Variants in TAFA4 observed in about 807,000 individuals in gnomAD.
TAFA4 encodes the protein TAFA chemokine like family member 4, also known as chemokine-like protein TAFA-4.
In TAFA4, 20 loss-of-function variants were observed where a neutral mutation model predicts 21.1. That is an observed-to-expected ratio of 0.95 (90% confidence interval 0.67 to 1.38). The LOEUF is 1.38. TAFA4 is among the 40% of genes most tolerant of loss of function. The pLI, the probability that TAFA4 is intolerant of heterozygous loss-of-function variation, is 0.00. For synonymous variants in TAFA4, 71 were observed against 67.4 expected, an observed-to-expected ratio of 1.05 and a Z score of -0.26; for missense variants, 211 against 180.9, an observed-to-expected ratio of 1.17 and a Z score of -0.95.
intron 3 of TAFA4, among the ~76,000 whole-genome samples, chr3:68,792,035 T>C (rs999538884): frequency 2.0e-5 from 3 of 152,230 alleles, no homozygotes; most frequent in Non-Finnish European, 4.4e-5. Flanking sequence ...TTTCAATATG[T>C]AATGGCCTAC....
chr3:68,922,557 GAT>G (rs1182743209), intron 1 of TAFA4, among the ~76,000 whole-genome samples: 1 of 152,110 alleles, frequency 6.6e-6, no homozygotes, highest in African/African-American at 2.4e-5. Context: ...CTTACATATG[GAT>G]ATAGTCAATT....
intron 3 of TAFA4, among the ~76,000 whole-genome samples, chr3:68,852,283 G>A (rs1324643808): frequency 1.3e-5 from 2 of 152,120 alleles, no homozygotes; most frequent in Non-Finnish European, 2.9e-5. Flanking sequence ...GAATTAATGA[G>A]TTTGGAGGAT....
At chr3:68,891,759 T>C (rs571825143) in intron 1 of TAFA4, among the ~76,000 whole-genome samples, 1 of 152,312 alleles carries the variant, frequency 6.6e-6, no homozygotes, top group African/African-American at 2.4e-5. Flanking sequence ...CACTAAGTGA[T>C]GTCTTTCCAT....
intron 1 of TAFA4, among the ~76,000 whole-genome samples, chr3:68,899,567 C>T (rs2089824618): frequency 1.3e-5 from 2 of 152,154 alleles, no homozygotes; most frequent in African/African-American, 2.4e-5. Context: ...ACAACCAGAA[C>T]TTGAGGCCTA....
chr3:68,766,479 G>C (rs766383369), intron 3 of TAFA4, among the ~76,000 whole-genome samples: 2 of 151,528 alleles, frequency 1.3e-5, no homozygotes, highest in Non-Finnish European at 2.9e-5. Flanking sequence ...CAAATGCTAT[G>C]ATAAAAAAAT....
intron 3 of TAFA4, among the ~76,000 whole-genome samples, chr3:68,768,701 A>G (rs1481480139): frequency 6.6e-6 from 1 of 152,226 alleles, no homozygotes; most frequent in East Asian, 1.9e-4. Context: ...AGTGTCCATC[A>G]GTGGATGAAT....
Position 68,731,888 on chromosome 3 carries a change from T to C in TAFA4, c.*1254A>G, listed in dbSNP as rs2106713977. The stretch of plus-strand genomic sequence containing the variant: ...TGCAAGAATAAAATCAAATAACTGT[T>C]AGGCTATAAACAACATTAAAGTATT... On this transcript the variant is annotated 3_prime_UTR_variant, in exon 6 of 6. Transcript: ENST00000295569. 1 of 98,364 alleles carries C rather than the reference T, an allele frequency of 1.0e-5. No homozygotes were observed. The highest frequency in any genetic ancestry group is 6.2e-4 in the South Asian group (1 of 1,624). 6.1% of individuals were successfully genotyped at this position (98,364 alleles called of 1,614,324 possible). A position where few individuals can be genotyped will look rare whatever the true frequency, so the allele number is the denominator to read the frequency against.
intron 1 of TAFA4, among the ~76,000 whole-genome samples, chr3:68,894,487 A>G (rs1319350087): frequency 6.6e-6 from 1 of 152,202 alleles, no homozygotes; most frequent in Non-Finnish European, 1.5e-5. Context: ...GCTACAAACT[A>G]TCAAAGGTCC....
intron 3 of TAFA4, among the ~76,000 whole-genome samples, chr3:68,826,739 C>A (rs531517938): frequency 6.6e-6 from 1 of 152,056 alleles, no homozygotes; most frequent in African/African-American, 2.4e-5. Context: ...GTATTATAAA[C>A]AATGGAAGGA....
At chr3:68,812,536 T>A (rs1175519445) in intron 3 of TAFA4, among the ~76,000 whole-genome samples, 1 of 152,066 alleles carries the variant, frequency 6.6e-6, no homozygotes, top group Non-Finnish European at 1.5e-5. Flanking sequence ...TAGTCTCTGA[T>A]AAAACAGACT....
intron 1 of TAFA4, among the ~76,000 whole-genome samples, chr3:68,927,830 C>G (rs2090122953): frequency 6.6e-6 from 1 of 150,640 alleles, no homozygotes; most frequent in Non-Finnish European, 1.5e-5. Flanking sequence ...CCCAGGAGGT[C>G]AAGTTTGCAG....
At chr3:68,752,811 G>T in intron 4 of TAFA4, 52 bp downstream of exon 4, 1 of 1,611,102 alleles carries the variant, frequency 6.2e-7, no homozygotes, top group Non-Finnish European at 8.5e-7. Context: ...GAAATTCCTG[G>T]TGGGTTTTGG....
intron 3 of TAFA4, among the ~76,000 whole-genome samples, chr3:68,800,649 G>A (rs946042932): frequency 6.6e-6 from 1 of 152,150 alleles, no homozygotes; most frequent in South Asian, 2.1e-4. Context: ...CTCCCCAACT[G>A]GTCTGCTCCA....
At chr3:68,813,503 A>C (rs1390812547) in intron 3 of TAFA4, among the ~76,000 whole-genome samples, 1 of 152,234 alleles carries the variant, frequency 6.6e-6, no homozygotes, top group Non-Finnish European at 1.5e-5. Flanking sequence ...GATCCCACAG[A>C]AATACAAACT....
At chr3:68,802,032 C>A (rs1291170411) in intron 3 of TAFA4, among the ~76,000 whole-genome samples, 2 of 152,152 alleles carry the variant, frequency 1.3e-5, no homozygotes, top group South Asian at 4.1e-4. Flanking sequence ...CAAGTAAATG[C>A]AGCAAAGCAA....
chr3:68,873,374 A>C (rs77328941), intron 3 of TAFA4, among the ~76,000 whole-genome samples: 19 of 140,374 alleles, frequency 1.4e-4, no homozygotes, highest in African/African-American at 4.3e-4. Flanking sequence ...ACACACACAC[A>C]CACCCTGGGC....
chr3:68,748,532 G>T (rs960107937), intron 4 of TAFA4, among the ~76,000 whole-genome samples: 2 of 152,182 alleles, frequency 1.3e-5, no homozygotes. Flanking sequence ...CACGAAGTCA[G>T]GAGATCGAGA....
chr3:68,824,836 G>A (rs1234640082), intron 3 of TAFA4, among the ~76,000 whole-genome samples: 1 of 152,118 alleles, frequency 6.6e-6, no homozygotes, highest in Non-Finnish European at 1.5e-5. Context: ...GACTCTAACG[G>A]CAGCTACTTT....
At chr3:68,821,918 G>T (rs570619947) in intron 3 of TAFA4, among the ~76,000 whole-genome samples, 46 of 152,286 alleles carry the variant, frequency 3.0e-4, no homozygotes, top group African/African-American at 1.0e-3. Context: ...ACTTAAAAAG[G>T]TATTTGCAAA....
Sources: allele counts gnomAD v4.1 joint callset (sites outside exome capture counted in the v4.1 genomes callset), GRCh38; gene constraint gnomAD v4.1.1; transcripts MANE v1.5; gene names NCBI Gene and HGNC (gene_info 2026-07-23, HGNC 2026-07-21).